Variants in ST8SIA1 observed in about 807,000 individuals in gnomAD.
ST8SIA1 encodes ST8 alpha-N-acetyl-neuraminide alpha-2,8-sialyltransferase 1, also known as alpha-N-acetylneuraminide alpha-2,8-sialyltransferase.
A neutral mutation model predicts 35.9 loss-of-function variants in ST8SIA1; 16 were observed. That is an observed-to-expected ratio of 0.45 (90% CI 0.30 to 0.68). The LOEUF (loss-of-function observed/expected upper bound fraction) is 0.68. Ranked by LOEUF, ST8SIA1 falls within the 30% of genes least tolerant of loss-of-function variation. The probability of loss-of-function intolerance (pLI) is 0.09; values close to 1 mark genes in which losing one functional copy is unlikely to be tolerated. For missense variants in ST8SIA1, 383 were observed against 453.6 expected (o/e 0.84, Z 1.41); for synonymous variants, 170 against 169.6 (o/e 1.00, Z -0.02).
At chr12:22,310,907 CAG>C (rs1301752470) in intron 1 of ST8SIA1, among the ~76,000 whole-genome samples, 2 of 152,174 alleles carry the variant, frequency 1.3e-5, no homozygotes, top group Non-Finnish European at 2.9e-5. Flanking sequence ...ACAGCAGCTG[CAG>C]ACTGTTCCCA....
At chr12:22,246,546 G>C (rs1865604856) in intron 4 of ST8SIA1, among the ~76,000 whole-genome samples, 1 of 152,156 alleles carries the variant, frequency 6.6e-6, no homozygotes, top group African/African-American at 2.4e-5. Context: ...TGCAGCTTCA[G>C]GGTGGGGGCC....
chr12:22,270,248 C>A (rs2300732), intron 2 of ST8SIA1, among the ~76,000 whole-genome samples: 37,453 of 152,114 alleles, frequency 0.25, 4,785 homozygotes, highest in African/African-American at 0.33. Flanking sequence ...TTCTACATGT[C>A]AAATGGAGAC....
chr12:22,275,347 A>G (rs3819870), intron 2 of ST8SIA1, among the ~76,000 whole-genome samples: 14,085 of 152,194 alleles, frequency 0.093, 784 homozygotes, highest in East Asian at 0.15. Context: ...TTGAGGTCAG[A>G]AGTTCAAGAC....
chr12:22,326,042 C>T lies in ST8SIA1; in HGVS notation c.236+7955G>A, dbSNP rs567752764. 121 of 453,290 alleles carry T rather than the reference C, an allele frequency of 2.7e-4. 1 individual carries two copies. The Admixed American group carries it at 2.7e-3, about 10-fold the overall frequency. 28.1% of individuals were successfully genotyped at this position (453,290 alleles called of 1,614,324 possible). On this transcript the variant is annotated intron_variant, in intron 1 of 4. Transcript: ENST00000396037. ...TTTAAAACTTATGAATTGTTTATTT[C>T]TGGAATTTCCATTTAATATTTTTGG...
At chr12:22,282,694 G>A (rs571134279) in intron 2 of ST8SIA1, among the ~76,000 whole-genome samples, 1 of 152,052 alleles carries the variant, frequency 6.6e-6, no homozygotes, top group Non-Finnish European at 1.5e-5. Context: ...CAATTATTTG[G>A]TTCTGCCCCC....
At chr12:22,319,680 C>T (rs773500726) in intron 1 of ST8SIA1, among the ~76,000 whole-genome samples, 2 of 152,050 alleles carry the variant, frequency 1.3e-5, no homozygotes, top group Admixed American at 6.5e-5. Flanking sequence ...TTCACCTTGG[C>T]GAACATGAAG....
rs1865040324 is a variant in ST8SIA1, at chr12:22,200,764, A to C, written c.*788T>G. On this transcript the variant is annotated 3_prime_UTR_variant, in exon 5 of 5. Coordinates refer to ENST00000396037, the MANE Select transcript of ST8SIA1 (RefSeq NM_003034.4). ...TGGTAGTCTTTTGCACTAAAATAAA[A>C]ATGACAATGCAAACAGGCTTACATA... 1 of 152,194 alleles carries C rather than the reference A, an allele frequency of 6.6e-6. No homozygotes were observed. The highest frequency in any genetic ancestry group is 1.5e-5 in the Non-Finnish European group (1 of 68,036). 9.4% of individuals were successfully genotyped at this position (152,194 alleles called of 1,614,324 possible).
At chr12:22,320,757 C>T (rs1345632668) in intron 1 of ST8SIA1, among the ~76,000 whole-genome samples, 2 of 150,632 alleles carry the variant, frequency 1.3e-5, no homozygotes, top group Non-Finnish European at 3.0e-5. Context: ...TTTCCTTGAG[C>T]CCAGCAGGGC....
chr12:22,279,594 C>A (rs1328474838), intron 2 of ST8SIA1, among the ~76,000 whole-genome samples: 1 of 152,220 alleles, frequency 6.6e-6, no homozygotes, highest in African/African-American at 2.4e-5. Flanking sequence ...AAACGGATCT[C>A]TGGGTATAGC....
intron 2 of ST8SIA1, among the ~76,000 whole-genome samples, chr12:22,257,847 A>G (rs1865745308): frequency 6.6e-6 from 1 of 152,058 alleles, no homozygotes; most frequent in South Asian, 2.1e-4. Context: ...AATCAAGTCA[A>G]TGTTGGGTGT....
intron 4 of ST8SIA1, among the ~76,000 whole-genome samples, chr12:22,205,078 T>C (rs138461185): frequency 7.2e-4 from 109 of 152,310 alleles, no homozygotes; most frequent in African/African-American, 2.5e-3. Flanking sequence ...GTTGTGCCTA[T>C]AAATCAAAAC....
In ST8SIA1 at chr12:22,198,259, G is replaced by C. The variant is rs1289416632; in HGVS notation, c.*3293C>G. 2 of 151,982 alleles carry C rather than the reference G, an allele frequency of 1.3e-5. No individual in the cohort carries two copies. The highest frequency in any genetic ancestry group is 2.9e-5 in the Non-Finnish European group (2 of 67,976). The allele number at this position is 151,982 out of a possible 1,614,324, so 9.4% of individuals were successfully genotyped here. On this transcript the variant is annotated 3_prime_UTR_variant, in exon 5 of 5. Transcript: ENST00000396037. ...CCTCTTGGCAGGTGCATCACCAAAAGTGATTAAAGATTTTCTTATTGAATG... is the reference window on the plus strand; with the variant it reads ...CCTCTTGGCAGGTGCATCACCAAAACTGATTAAAGATTTTCTTATTGAATG...
At chr12:22,218,791 G>A (rs1179369804) in intron 4 of ST8SIA1, among the ~76,000 whole-genome samples, 5 of 151,550 alleles carry the variant, frequency 3.3e-5, no homozygotes, top group Non-Finnish European at 5.9e-5. Flanking sequence ...CTGCACTCTA[G>A]CCTGGGCAAC....
intron 1 of ST8SIA1, among the ~76,000 whole-genome samples, chr12:22,288,983 C>A (rs776429862): frequency 4.5e-4 from 68 of 152,102 alleles, no homozygotes; most frequent in Non-Finnish European, 8.2e-4. Flanking sequence ...TGGGCTCAAG[C>A]GATCCTCCTG....
chr12:22,257,378 ATTTT>A (rs34136511), intron 2 of ST8SIA1, among the ~76,000 whole-genome samples: 41 of 118,584 alleles, frequency 3.5e-4, no homozygotes, highest in East Asian at 4.8e-4. Context: ...TGCCCAGCTA[ATTTT>A]TTTTTTTTTT....
rs1213110481 is a variant in ST8SIA1, at chr12:22,208,086, G to T, written c.585-6048C>A. ...ACCCAGGAGGTGGAGGTTGCAGTGA[G>T]CCAAAATCGTGCCACTGCACTCCAG... On this transcript the variant is annotated intron_variant, in intron 4 of 4. Transcript: ENST00000396037. Among the ~76,000 whole-genome samples, 6 of 145,780 alleles carry T rather than the reference G, an allele frequency of 4.1e-5. No individual in the cohort carries two copies. The South Asian group carries it at 1.3e-3, about 31-fold the overall frequency.
intron 4 of ST8SIA1, among the ~76,000 whole-genome samples, chr12:22,204,888 C>T (rs1865089410): frequency 6.6e-6 from 1 of 152,144 alleles, no homozygotes; most frequent in East Asian, 1.9e-4. Context: ...AATTTTATTA[C>T]ATTATTACAA....
chr12:22,248,295 T>C (rs1243516381), intron 4 of ST8SIA1, among the ~76,000 whole-genome samples: 1 of 148,368 alleles, frequency 6.7e-6, no homozygotes, highest in African/African-American at 2.5e-5. Flanking sequence ...AAAGCAATGC[T>C]TGATTCCTCT....
intron 4 of ST8SIA1, among the ~76,000 whole-genome samples, chr12:22,231,108 G>C (rs1865414926): frequency 6.8e-6 from 1 of 148,086 alleles, no homozygotes; most frequent in South Asian, 2.1e-4. Flanking sequence ...ATACTTTATA[G>C]ATATAATTAT....
Sources: gnomAD v4.1 joint callset for allele counts (sites outside exome capture counted in the v4.1 genomes callset) on GRCh38, gnomAD v4.1.1 for gene constraint, MANE v1.5 for transcripts, NCBI Gene and HGNC (gene_info 2026-07-23, HGNC 2026-07-21) for gene names.